GOLM1: variants seen among roughly 807,000 people sequenced by gnomAD.
GOLM1 encodes golgi membrane protein 1.
In GOLM1, 31 loss-of-function variants were observed where a neutral mutation model predicts 50.5. The observed-to-expected ratio is 0.61, with a 90% CI of 0.46 to 0.83. The LOEUF is 0.83. Among genes scored for constraint, GOLM1 ranks in the 40% least tolerant of loss-of-function variants. The pLI is 0.00. For missense variants in GOLM1, 491 were observed against 501.3 expected (o/e 0.98, Z 0.20); for synonymous variants, 178 against 192.8 (o/e 0.92, Z 0.64).
chr9:86,052,505 G>C (rs539802567), intron 4 of GOLM1, 32 bp downstream of exon 4: 1 of 1,602,600 alleles, frequency 6.2e-7, no homozygotes, highest in Admixed American at 1.7e-5. Context: ...TCAAAGGCCA[G>C]TGCCTGGTGT....
At chr9:86,052,713 C>A in intron 3 of GOLM1, 122 bp from the exon 4 acceptor site, 1 of 810,308 alleles carries the variant, frequency 1.2e-6, no homozygotes, top group Admixed American at 1.9e-5. Flanking sequence ...GGAAGGAGCT[C>A]GCACTCAGCG....
intron 5 of GOLM1, among the ~76,000 whole-genome samples, chr9:86,042,475 C>G (rs1833388404): frequency 1.3e-5 from 2 of 151,352 alleles, no homozygotes; most frequent in African/African-American, 2.4e-5. Flanking sequence ...TTCAAAGCAC[C>G]ACTGGGTCAC....
intron 3 of GOLM1, 37 bp downstream of exon 3, chr9:86,077,375 T>C (rs1834650692): frequency 6.4e-6 from 10 of 1,552,992 alleles, no homozygotes; most frequent in Non-Finnish European, 8.9e-6. Context: ...ACACCATCCC[T>C]TAGAAAAGAA....
At chr9:86,086,279 A>C (rs1834959592) in intron 1 of GOLM1, among the ~76,000 whole-genome samples, 1 of 152,092 alleles carries the variant, frequency 6.6e-6, no homozygotes, top group Non-Finnish European at 1.5e-5. Flanking sequence ...TCTTTTGAGA[A>C]GTCTCTGTTC....
In GOLM1 at chr9:86,089,423, G is replaced by T. The variant is rs1243885899; in HGVS notation, c.-22+9988C>A. On this transcript the variant is annotated intron_variant, in intron 1 of 9. Coordinates refer to ENST00000388712, the MANE Select transcript of GOLM1 (RefSeq NM_016548.4). ...AACATAGGTTTGGTCTTTTCACATA[G>T]TTCCATATTTGTTGGAGGCTTTGTT... is the stretch of plus-strand genomic sequence containing the variant. 2.6e-5 allele frequency among the ~76,000 whole-genome samples: 4 copies of T among 151,990 alleles called. No individual in the cohort carries two copies. The South Asian group carries it at 6.2e-4, about 24-fold the overall frequency.
intron 1 of GOLM1, among the ~76,000 whole-genome samples, chr9:86,080,397 G>A (rs948713504): frequency 6.6e-6 from 1 of 152,158 alleles, no homozygotes. Flanking sequence ...CAGAGTGAGC[G>A]TGGCTGCACT....
chr9:86,077,542 C>T lies in GOLM1; in HGVS notation c.179G>A (p.Arg60Lys), dbSNP rs149085096. ...GTTCTTCTTCAGCTCCACGGCGCCT[C>T]TCTCTGCAGCCGCCCTGCGGACCCT... ...EGRVRRAAAERGAVELKKNEF... is the reference protein window; with the variant it reads ...EGRVRRAAAEKGAVELKKNEF... The change falls in exon 3 of 10, where the codon AGA (arginine) becomes AAA (lysine). Residue 60 changes from arginine (R) to lysine (K), a missense_variant. Coordinates refer to ENST00000388712, the MANE Select transcript of GOLM1 (RefSeq NM_016548.4). 474 of 1,613,162 alleles carry T rather than the reference C, an allele frequency of 2.9e-4. 1 individual carries two copies. Among genetic ancestry groups the T allele is most frequent in the Middle Eastern group, 6.6e-4 (4 of 6,074 alleles).
intron 3 of GOLM1, among the ~76,000 whole-genome samples, chr9:86,053,657 AC>A (rs1833881348): frequency 6.8e-6 from 1 of 146,186 alleles, no homozygotes; most frequent in Non-Finnish European, 1.5e-5. Flanking sequence ...ACCATGCTAC[AC>A]CACTCCACAC....
At chr9:86,089,010 T>C (rs531650750) in intron 1 of GOLM1, among the ~76,000 whole-genome samples, 1 of 152,360 alleles carries the variant, frequency 6.6e-6, no homozygotes, top group South Asian at 2.1e-4. Flanking sequence ...TTACTTATCC[T>C]TCACTTATGA....
chr9:86,087,085 C>G (rs10780746), intron 1 of GOLM1, among the ~76,000 whole-genome samples: 27,743 of 152,124 alleles, frequency 0.18, 3,745 homozygotes, highest in East Asian at 0.52. Flanking sequence ...GATCCATGAG[C>G]ATGGAATGTT....
chr9:86,061,020 T>G (rs1179171266), intron 3 of GOLM1, among the ~76,000 whole-genome samples: 1 of 151,366 alleles, frequency 6.6e-6, no homozygotes, highest in African/African-American at 2.4e-5. Flanking sequence ...ATTGTGGCTA[T>G]GAGAGACAGA....
chr9:86,041,944 T>C (rs1168713439), intron 5 of GOLM1, among the ~76,000 whole-genome samples: 1 of 152,160 alleles, frequency 6.6e-6, no homozygotes, highest in African/African-American at 2.4e-5. Flanking sequence ...GGTGAAACCC[T>C]GTCTCTATTA....
In GOLM1 at chr9:86,032,284, C is replaced by T. The variant is rs372558628; in HGVS notation, c.1129+998G>A. On this transcript the variant is annotated intron_variant, in intron 9 of 9. Transcript: ENST00000388712. ...CCGGGTTCAAGCGATTCTCTTGCCT[C>T]AGCCTCCCGAGTAGCTGGGACTACA... Among the ~76,000 whole-genome samples, 251 of 152,276 alleles carry T rather than the reference C, an allele frequency of 1.6e-3. 1 individual carries two copies. The highest frequency in any genetic ancestry group is 3.9e-3 in the African/African-American group (161 of 41,558).
intron 3 of GOLM1, among the ~76,000 whole-genome samples, chr9:86,053,332 C>T (rs1284990526): frequency 1.5e-4 from 20 of 137,652 alleles, no homozygotes; most frequent in Non-Finnish European, 2.9e-4. Context: ...ACACACCACA[C>T]TACACCACGC....
chr9:86,053,569 AT>A (rs1587712264), intron 3 of GOLM1, among the ~76,000 whole-genome samples: 40 of 364 alleles, frequency 0.11, 1 homozygote, highest in Middle Eastern at 0.5. Context: ...ACACACACAC[AT>A]CACACACACC....
chr9:86,045,697 C>T (rs563289090), intron 5 of GOLM1, among the ~76,000 whole-genome samples: 24 of 147,940 alleles, frequency 1.6e-4, no homozygotes, highest in South Asian at 2.1e-4. Flanking sequence ...AAAGTATATA[C>T]ACACACACAC....
chr9:86,057,459 G>A (rs888114729), intron 3 of GOLM1, among the ~76,000 whole-genome samples: 4 of 152,092 alleles, frequency 2.6e-5, no homozygotes, highest in African/African-American at 9.7e-5. Flanking sequence ...TATGGTCTGA[G>A]AGGAGTGTTT....
In GOLM1 at chr9:86,054,693, C is replaced by G. The variant is rs561370250; in HGVS notation, c.310-2102G>C. Among the ~76,000 whole-genome samples, 511 of 152,276 alleles carry G rather than the reference C, an allele frequency of 3.4e-3. 2 individuals carry two copies. Among genetic ancestry groups the G allele is most frequent in the African/African-American group, 0.012 (483 of 41,542 alleles). ...GCTCCAGAGAGCAAGTTCTTCAAAG[C>G]TACTTGCCAAATTGCTACAAACCCA... On this transcript the variant is annotated intron_variant, in intron 3 of 9. Transcript: ENST00000388712.
intron 3 of GOLM1, among the ~76,000 whole-genome samples, chr9:86,069,294 A>G (rs550663877): frequency 1.3e-5 from 2 of 152,338 alleles, no homozygotes; most frequent in East Asian, 1.9e-4. Flanking sequence ...AACATACACA[A>G]TCATTGCAAA....
Sources: allele counts gnomAD v4.1 joint callset (sites outside exome capture counted in the v4.1 genomes callset), GRCh38; gene constraint gnomAD v4.1.1; transcripts MANE v1.5; gene names NCBI Gene and HGNC (gene_info 2026-07-23, HGNC 2026-07-21).